Variants in UST observed in about 807,000 individuals in gnomAD.
The protein encoded by UST is uronyl 2-sulfotransferase, also known as chondroitin sulfate 2-O-sulfotransferase.
In UST, 21 loss-of-function variants were observed where a neutral mutation model predicts 45.6. That is an observed-to-expected ratio of 0.46 (90% CI 0.33 to 0.66). UST has a LOEUF of 0.66. Among genes scored for constraint, UST ranks in the 30% least tolerant of loss-of-function variants. UST has a pLI of 0.02. For synonymous variants in UST, 215 were observed against 200.6 expected, an observed-to-expected ratio of 1.07 and a Z score of -0.61; for missense variants, 463 against 512.4, an observed-to-expected ratio of 0.90 and a Z score of 0.93.
chr6:148,753,093 A>G (rs9498147), intron 1 of UST, among the ~76,000 whole-genome samples: 67,853 of 152,030 alleles, frequency 0.45, 15,302 homozygotes, highest in African/African-American at 0.5. Flanking sequence ...AATTCCAAAT[A>G]AAGTACATTT....
At chr6:148,761,417 GAAA>G (rs2114657794) in intron 1 of UST, among the ~76,000 whole-genome samples, 1 of 151,922 alleles carries the variant, frequency 6.6e-6, no homozygotes, top group East Asian at 1.9e-4. Flanking sequence ...CAGTCTTTGA[GAAA>G]ACAGTGGAAC....
intron 5 of UST, among the ~76,000 whole-genome samples, chr6:149,012,955 T>C (rs1283186772): frequency 6.6e-6 from 1 of 152,210 alleles, no homozygotes; most frequent in African/African-American, 2.4e-5. Context: ...ATAAATGATT[T>C]CTAATCTTAG....
intron 1 of UST, among the ~76,000 whole-genome samples, chr6:148,831,707 ATTGT>A (rs1777690586): frequency 6.6e-6 from 1 of 152,122 alleles, no homozygotes; most frequent in African/African-American, 2.4e-5. Flanking sequence ...AGGCAAGAAG[ATTGT>A]TTGAGCCAAG....
chr6:149,033,443 T>G (rs914789017), intron 7 of UST, among the ~76,000 whole-genome samples: 1 of 152,264 alleles, frequency 6.6e-6, no homozygotes, highest in Admixed American at 6.5e-5. Context: ...CATAATGTCC[T>G]AGCTTTTCAC....
At chr6:149,054,089 T>A (rs1473254363) in intron 7 of UST, among the ~76,000 whole-genome samples, 2 of 152,134 alleles carry the variant, frequency 1.3e-5, no homozygotes, top group Non-Finnish European at 2.9e-5. Flanking sequence ...GCTCCCTCCC[T>A]GGGACTTTGG....
chr6:148,875,698 G>A (rs1440311259), intron 1 of UST, among the ~76,000 whole-genome samples: 1 of 152,224 alleles, frequency 6.6e-6, no homozygotes, highest in Non-Finnish European at 1.5e-5. Flanking sequence ...CAGATACTCG[G>A]GAGGCCGAGG....
At chr6:148,906,590 G>A (rs1779365335) in intron 2 of UST, among the ~76,000 whole-genome samples, 1 of 152,184 alleles carries the variant, frequency 6.6e-6, no homozygotes, top group Non-Finnish European at 1.5e-5. Context: ...TGGTGCAAAA[G>A]TGATTGCGGT....
rs78319608 is a variant in UST at position 148,906,447 on chromosome 6, C to A, written c.291+19418C>A. Among the ~76,000 whole-genome samples, 929 of 152,266 alleles carry A rather than the reference C, an allele frequency of 6.1e-3. 9 individuals are homozygous for A. The highest frequency in any genetic ancestry group is 0.021 in the African/African-American group (876 of 41,546). ...AGTGGGCAAAAGTAACTGATCTGGGCTTGTCATCTGTGCACTTAATGGACA... is the reference window on the plus strand; with the variant it reads ...AGTGGGCAAAAGTAACTGATCTGGGATTGTCATCTGTGCACTTAATGGACA... On this transcript the variant is annotated intron_variant, in intron 2 of 7. Transcript: ENST00000367463.
At position 149,075,233 on chromosome 6, in the gene UST, CT is replaced by C; in HGVS notation, c.*1118del. 1 of 152,296 alleles carries C rather than the reference CT, an allele frequency of 6.6e-6. No homozygotes were observed. The highest frequency in any genetic ancestry group is 2.1e-4 in the South Asian group (1 of 4,820). 9.4% of individuals were successfully genotyped at this position (152,296 alleles called of 1,614,324 possible). A position where few individuals can be genotyped will look rare whatever the true frequency, so the allele number is the denominator to read the frequency against. On this transcript the variant is annotated 3_prime_UTR_variant, in exon 8 of 8. Coordinates refer to ENST00000367463, the MANE Select transcript of UST (RefSeq NM_005715.3). The stretch of plus-strand genomic sequence containing the variant: ...GGTGTGTAATCTATCAAACACACCC[CT>C]GGCCAAGTTGGGTCCTATAGGACCT...
intron 2 of UST, among the ~76,000 whole-genome samples, chr6:148,916,794 C>T (rs1002048736): frequency 2.6e-5 from 4 of 152,158 alleles, no homozygotes; most frequent in Non-Finnish European, 4.4e-5. Context: ...AGTACAGTGT[C>T]GTAATACGTA....
intron 5 of UST, among the ~76,000 whole-genome samples, chr6:148,987,510 A>G (rs1400506045): frequency 2.0e-5 from 3 of 152,196 alleles, no homozygotes; most frequent in East Asian, 1.9e-4. Flanking sequence ...TCTACTGCAC[A>G]TGAGTAAGCT....
At chr6:148,993,099 G>T in intron 5 of UST, 1 of 984,134 alleles carries the variant, frequency 1.0e-6, no homozygotes, top group Non-Finnish European at 1.2e-6. Context: ...TTTGTTTCTA[G>T]GTCAGTTAAC....
At chr6:148,855,410 T>C (rs1460227685) in intron 1 of UST, among the ~76,000 whole-genome samples, 1 of 152,166 alleles carries the variant, frequency 6.6e-6, no homozygotes, top group African/African-American at 2.4e-5. Flanking sequence ...AAGCAGGTAG[T>C]GGGCTGTCTT....
At chr6:148,810,872 A>G (rs1777245475) in intron 1 of UST, among the ~76,000 whole-genome samples, 1 of 152,244 alleles carries the variant, frequency 6.6e-6, no homozygotes, top group Non-Finnish European at 1.5e-5. Flanking sequence ...CTAAAATACA[A>G]AATAATTCCC....
chr6:149,058,227 C>G (rs1178255082), intron 7 of UST, among the ~76,000 whole-genome samples: 1 of 152,018 alleles, frequency 6.6e-6, no homozygotes, highest in Non-Finnish European at 1.5e-5. Context: ...GGTCATATCA[C>G]CATCTGTGGA....
At chr6:148,917,445 C>T (rs1200316028) in intron 2 of UST, among the ~76,000 whole-genome samples, 1 of 152,182 alleles carries the variant, frequency 6.6e-6, no homozygotes, top group East Asian at 1.9e-4. Flanking sequence ...ACCGTCTTTA[C>T]CCCATGAGTC....
intron 5 of UST, 156 bp downstream of exon 5, chr6:148,964,719 G>C (rs1380351812): frequency 2.3e-5 from 20 of 874,624 alleles, no homozygotes; most frequent in Non-Finnish European, 3.4e-5. Flanking sequence ...AGGTCTTGGC[G>C]AGAGAAACTG....
At chr6:148,758,172 T>C (rs1374220041) in intron 1 of UST, among the ~76,000 whole-genome samples, 2 of 152,132 alleles carry the variant, frequency 1.3e-5, no homozygotes, top group Non-Finnish European at 2.9e-5. Flanking sequence ...TAACCTGACT[T>C]CCAATTGAAA....
intron 2 of UST, among the ~76,000 whole-genome samples, chr6:148,900,059 A>G (rs777533570): frequency 1.2e-4 from 19 of 152,154 alleles, no homozygotes; most frequent in Non-Finnish European, 2.8e-4. Context: ...CATTTCCTTT[A>G]TAACAAATAA....
Sources: allele counts gnomAD v4.1 joint callset (sites outside exome capture counted in the v4.1 genomes callset), GRCh38; gene constraint gnomAD v4.1.1; transcripts MANE v1.5; gene names NCBI Gene and HGNC (gene_info 2026-07-23, HGNC 2026-07-21).